Variants in GALNTL6 observed in about 807,000 individuals in gnomAD.
GALNTL6 encodes the protein polypeptide N-acetylgalactosaminyltransferase like 6.
GALNTL6 carries 46 observed loss-of-function variants against 73.7 expected under a neutral mutation model. The observed-to-expected ratio is 0.62, with a 90% CI of 0.49 to 0.80. The LOEUF is 0.80. GALNTL6 is among the 30% of genes least tolerant of loss of function. GALNTL6 has a pLI of 0.00. For missense variants in GALNTL6, 604 were observed against 755.0 expected (o/e 0.80, Z 2.34); for synonymous variants, 259 against 263.7 (o/e 0.98, Z 0.17).
At chr4:172,368,806 A>G (rs150685123) in intron 5 of GALNTL6, among the ~76,000 whole-genome samples, 2,880 of 152,192 alleles carry the variant, frequency 0.019, 78 homozygotes, top group African/African-American at 0.064. Context: ...TGAGTGTTAC[A>G]GTTCTTAAAG....
At chr4:172,648,559 G>C (rs1236065201) in intron 5 of GALNTL6, among the ~76,000 whole-genome samples, 1 of 152,030 alleles carries the variant, frequency 6.6e-6, no homozygotes, top group Non-Finnish European at 1.5e-5. Flanking sequence ...ACTCATAAAT[G>C]GAAGAAACAC....
intron 8 of GALNTL6, among the ~76,000 whole-genome samples, chr4:172,919,886 A>C (rs989126977): frequency 6.6e-6 from 1 of 152,146 alleles, no homozygotes; most frequent in African/African-American, 2.4e-5. Flanking sequence ...TAAGTGATAC[A>C]TCTGTTTTTA....
intron 3 of GALNTL6, among the ~76,000 whole-genome samples, chr4:172,252,194 T>C (rs140418352): frequency 6.2e-4 from 95 of 152,276 alleles, no homozygotes; most frequent in African/African-American, 2.1e-3. Flanking sequence ...GTTGAAAGCA[T>C]GACAGGAAAT....
intron 5 of GALNTL6, among the ~76,000 whole-genome samples, chr4:172,501,399 A>C (rs1734256034): frequency 6.6e-6 from 1 of 152,162 alleles, no homozygotes; most frequent in Non-Finnish European, 1.5e-5. Flanking sequence ...ATTTTTTGCT[A>C]GACTTATTGT....
chr4:172,810,017 T>TA (rs1741200069), intron 6 of GALNTL6, among the ~76,000 whole-genome samples: 1 of 151,772 alleles, frequency 6.6e-6, no homozygotes, highest in Non-Finnish European at 1.5e-5. Flanking sequence ...AGAATACAGT[T>TA]AAAGTAGAAG....
intron 5 of GALNTL6, among the ~76,000 whole-genome samples, chr4:172,478,605 G>T (rs1733326105): frequency 6.6e-6 from 1 of 152,144 alleles, no homozygotes; most frequent in African/African-American, 2.4e-5. Flanking sequence ...CCTAGGCAAA[G>T]AGTTTATGAC....
chr4:172,955,097 G>A (rs1462203245), intron 10 of GALNTL6, among the ~76,000 whole-genome samples: 1 of 152,116 alleles, frequency 6.6e-6, no homozygotes, highest in Non-Finnish European at 1.5e-5. Context: ...AATGCAGGAG[G>A]CAAGTGAAGG....
At chr4:172,724,440 G>A (rs1251638525) in intron 5 of GALNTL6, among the ~76,000 whole-genome samples, 2 of 152,178 alleles carry the variant, frequency 1.3e-5, no homozygotes, top group Non-Finnish European at 2.9e-5. Context: ...AAGACCCAGA[G>A]TCACCCATCA....
intron 12 of GALNTL6, among the ~76,000 whole-genome samples, chr4:173,036,799 A>G (rs572509312): frequency 6.6e-6 from 1 of 152,342 alleles, no homozygotes; most frequent in East Asian, 1.9e-4. Context: ...GGGTTGTTTT[A>G]GAACAGCAGA....
At chr4:172,799,334 A>G (rs565746469) in intron 5 of GALNTL6, among the ~76,000 whole-genome samples, 1 of 152,230 alleles carries the variant, frequency 6.6e-6, no homozygotes, top group Admixed American at 6.5e-5. Flanking sequence ...AGTGGGGGGA[A>G]AAATTACAAG....
intron 7 of GALNTL6, among the ~76,000 whole-genome samples, chr4:172,829,131 G>A (rs1742477141): frequency 6.6e-6 from 1 of 152,166 alleles, no homozygotes; most frequent in South Asian, 2.1e-4. Flanking sequence ...TGAGAAAGAA[G>A]AGTTACAACA....
chr4:172,814,977 C>T (rs1454291836), intron 7 of GALNTL6, among the ~76,000 whole-genome samples: 1 of 152,062 alleles, frequency 6.6e-6, no homozygotes, highest in African/African-American at 2.4e-5. Flanking sequence ...TTGTTACTTC[C>T]TCAAATGCTT....
intron 5 of GALNTL6, among the ~76,000 whole-genome samples, chr4:172,492,963 C>T (rs1733948772): frequency 6.6e-6 from 1 of 152,090 alleles, no homozygotes; most frequent in South Asian, 2.1e-4. Flanking sequence ...AAGAGGCTGC[C>T]AAGTCCCATG....
intron 3 of GALNTL6, among the ~76,000 whole-genome samples, chr4:172,292,203 A>G (rs965412444): frequency 6.6e-6 from 1 of 152,048 alleles, no homozygotes; most frequent in Non-Finnish European, 1.5e-5. Flanking sequence ...TTTTAAAAAT[A>G]TGATTTTGAA....
At chr4:172,719,870 G>A (rs1364219494) in intron 5 of GALNTL6, among the ~76,000 whole-genome samples, 44 of 152,154 alleles carry the variant, frequency 2.9e-4, no homozygotes, top group Non-Finnish European at 1.5e-5. Context: ...TATTTCTGAT[G>A]ATATGCTAAA....
At chr4:172,394,032 G>C (rs891448950) in intron 5 of GALNTL6, among the ~76,000 whole-genome samples, 1 of 152,042 alleles carries the variant, frequency 6.6e-6, no homozygotes, top group African/African-American at 2.4e-5. Flanking sequence ...GATGTAGATG[G>C]TTGATTGTTC....
chr4:172,295,647 G>C (rs565423325), intron 3 of GALNTL6, among the ~76,000 whole-genome samples: 2 of 137,280 alleles, frequency 1.5e-5, no homozygotes, highest in Non-Finnish European at 3.0e-5. Flanking sequence ...TACTGCCTTG[G>C]ATTTGTAGGT....
intron 10 of GALNTL6, among the ~76,000 whole-genome samples, chr4:172,980,011 A>G (rs1750997362): frequency 6.6e-6 from 1 of 152,244 alleles, no homozygotes; most frequent in African/African-American, 2.4e-5. Flanking sequence ...CTCCTTGTGC[A>G]TAAAATGAGG....
intron 5 of GALNTL6, among the ~76,000 whole-genome samples, chr4:172,661,550 T>C (rs1731378462): frequency 6.6e-6 from 1 of 152,234 alleles, no homozygotes; most frequent in Non-Finnish European, 1.5e-5. Context: ...TAGTTACTGC[T>C]TAATTTTAAT....
Sources: gnomAD v4.1 joint callset for allele counts (sites outside exome capture counted in the v4.1 genomes callset) on GRCh38, gnomAD v4.1.1 for gene constraint, MANE v1.5 for transcripts, NCBI Gene and HGNC (gene_info 2026-07-23, HGNC 2026-07-21) for gene names.